The following ATP10B variants were observed in gnomAD, a reference collection of about 807,000 sequenced individuals.
ATP10B encodes the protein phospholipid-transporting ATPase VB.
ATP10B carries 122 observed loss-of-function variants against 141.2 expected under a neutral mutation model. The ratio of observed to expected loss-of-function variants is 0.86; its 90% confidence interval spans 0.75 to 1.00. The LOEUF is 1.00. Ranked by LOEUF, ATP10B falls within the 50% of genes least tolerant of loss-of-function variation. The pLI is 0.00. For synonymous variants in ATP10B, 685 were observed against 692.0 expected (o/e 0.99, Z 0.16); for missense variants, 1,876 against 1,825.3 (o/e 1.03, Z -0.51).
chr5:160,796,908 G>A (rs1471540254), intron 1 of ATP10B, among the ~76,000 whole-genome samples: 1 of 152,096 alleles, frequency 6.6e-6, no homozygotes, highest in Non-Finnish European at 1.5e-5. Context: ...GTTTGCCCCA[G>A]GAATATCAGG....
chr5:160,631,415 A>C (rs553239131), intron 13 of ATP10B, among the ~76,000 whole-genome samples: 3 of 152,346 alleles, frequency 2.0e-5, no homozygotes, highest in African/African-American at 7.2e-5. Context: ...TAGTGGATCA[A>C]ATGTGAAAGG....
At chr5:160,637,229 C>T (rs965568247) in intron 10 of ATP10B, among the ~76,000 whole-genome samples, 6 of 151,626 alleles carry the variant, frequency 4.0e-5, no homozygotes, top group Non-Finnish European at 7.4e-5. Flanking sequence ...CCCACCCACC[C>T]ATTCATCCAT....
intron 2 of ATP10B, among the ~76,000 whole-genome samples, chr5:160,759,412 C>T (rs576667374): frequency 6.6e-6 from 1 of 152,288 alleles, no homozygotes; most frequent in South Asian, 2.1e-4. Context: ...AAGGCTTTAA[C>T]CCAGATAATC....
chr5:160,644,231 G>A lies in ATP10B; in HGVS notation c.775C>T (p.Gln259Ter). 6.2e-7 allele frequency: 1 copy of A among 1,613,866 alleles called. No homozygotes were observed. Among genetic ancestry groups the A allele is most frequent in the African/African-American group, 1.3e-5 (1 of 75,022 alleles). Residue 259 changes from glutamine to a stop codon, truncating the protein, a stop_gained, in exon 9 of 26, where the codon CAG becomes TAG. Coordinates refer to ENST00000327245, the MANE Select transcript of ATP10B (RefSeq NM_025153.3). LOFTEE classifies it high-confidence loss of function. The part of the protein sequence containing the change: ...KFKGYMEHPD[Q>*]TRTGFGCESL... ...TCACAGCCAAAGCCAGTCCTGGTCT[G>A]GTCAGGATGCTCCCTGGGGATGATG...
the ATP10B span, among the ~76,000 whole-genome samples, chr5:160,889,997 T>C: frequency 6.6e-6 from 1 of 152,210 alleles, no homozygotes; most frequent in African/African-American, 2.4e-5. Context: ...CTTTGGAAGA[T>C]TCATTTGCCA....
chr5:160,916,279 TG>T, the ATP10B span, among the ~76,000 whole-genome samples: 1 of 152,250 alleles, frequency 6.6e-6, no homozygotes. Context: ...TCAGGAAGCC[TG>T]GGCTCCAGCC....
At chr5:160,684,452 T>C (rs1435558832) in intron 6 of ATP10B, among the ~76,000 whole-genome samples, 1 of 152,198 alleles carries the variant, frequency 6.6e-6, no homozygotes, top group East Asian at 1.9e-4. Flanking sequence ...GTTGTGCTTC[T>C]CCTAACACAA....
chr5:160,671,832 A>G (rs1280115379), intron 6 of ATP10B, among the ~76,000 whole-genome samples: 2 of 152,058 alleles, frequency 1.3e-5, no homozygotes, highest in Non-Finnish European at 2.9e-5. Context: ...TCTCACAAAA[A>G]CAGAGCTGGA....
intron 21 of ATP10B, among the ~76,000 whole-genome samples, 173 bp from the exon 22 acceptor site, chr5:160,599,143 C>T (rs191261996): frequency 2.0e-5 from 3 of 152,268 alleles, no homozygotes; most frequent in Admixed American, 2.0e-4. Flanking sequence ...ACCACTGTTA[C>T]TACTACTACT....
chr5:160,721,882 A>C (rs1471805362), intron 2 of ATP10B, among the ~76,000 whole-genome samples: 1 of 152,158 alleles, frequency 6.6e-6, no homozygotes, highest in Non-Finnish European at 1.5e-5. Flanking sequence ...CCTGTCTTGG[A>C]GCCATTATAG....
intron 1 of ATP10B, among the ~76,000 whole-genome samples, chr5:160,842,421 TAAA>T (rs1421829775): frequency 6.6e-6 from 1 of 151,418 alleles, no homozygotes; most frequent in South Asian, 2.1e-4. Context: ...TACAAGAAGA[TAAA>T]AAAATAAAGA....
At chr5:160,691,358 A>C (rs1764066969) in intron 3 of ATP10B, among the ~76,000 whole-genome samples, 1 of 152,276 alleles carries the variant, frequency 6.6e-6, no homozygotes, top group South Asian at 2.1e-4. Context: ...AAGTATAATA[A>C]TGATTAAAAA....
At chr5:160,594,684 A>G (rs1471294898) in intron 22 of ATP10B, among the ~76,000 whole-genome samples, 1 of 151,060 alleles carries the variant, frequency 6.6e-6, no homozygotes, top group African/African-American at 2.4e-5. Context: ...AAATAAAAGG[A>G]TGGAGGAAGA....
intron 1 of ATP10B, among the ~76,000 whole-genome samples, chr5:160,790,440 T>C (rs991164065): frequency 6.6e-6 from 1 of 152,136 alleles, no homozygotes. Context: ...CTCCTAGAAG[T>C]CACCAAATTC....
the ATP10B span, among the ~76,000 whole-genome samples, chr5:160,918,290 C>T: frequency 1.3e-5 from 2 of 152,150 alleles, no homozygotes; most frequent in Non-Finnish European, 2.9e-5. Context: ...TAAACTATAT[C>T]AAGAAGTGGT....
chr5:160,732,363 A>G (rs1029413838), intron 2 of ATP10B, among the ~76,000 whole-genome samples: 1 of 152,192 alleles, frequency 6.6e-6, no homozygotes, highest in African/African-American at 2.4e-5. Context: ...CTTAACCATA[A>G]AATTGTTGCC....
chr5:160,683,178 C>T (rs1429189421), intron 6 of ATP10B, among the ~76,000 whole-genome samples: 1 of 151,830 alleles, frequency 6.6e-6, no homozygotes, highest in Admixed American at 6.6e-5. Context: ...TTTTCATATT[C>T]AAAGGCGAGG....
At chr5:160,810,835 T>C (rs1022172542) in intron 1 of ATP10B, among the ~76,000 whole-genome samples, 1 of 152,254 alleles carries the variant, frequency 6.6e-6, no homozygotes, top group Non-Finnish European at 1.5e-5. Flanking sequence ...CTTTTTCATG[T>C]GATGTTGATC....
At position 160,612,762 on chromosome 5, in the gene ATP10B, A is replaced by G. The variant is rs1757790482; in HGVS notation, c.2817T>C (p.Tyr939=). The G allele has an allele frequency of 6.2e-7, 1 of 1,613,830 alleles. No homozygotes were observed. The highest frequency in any genetic ancestry group is 1.1e-5 in the South Asian group (1 of 91,054). ...CRLLNQTDTV[Y]TINTENQETC... ...TCACCTGATTCTCTGTATTGATGGT[A>G]TAAACAGTGTCGGTCTGATTTAACA... The change falls in exon 18 of 26, where the codon TAT becomes TAC. Residue 939 remains tyrosine (Y), a synonymous_variant. Transcript: ENST00000327245.
Sources: allele counts gnomAD v4.1 joint callset (sites outside exome capture counted in the v4.1 genomes callset), GRCh38; gene constraint gnomAD v4.1.1; transcripts MANE v1.5; gene names NCBI Gene and HGNC (gene_info 2026-07-23, HGNC 2026-07-21).